The following NAALAD2 variants were observed in gnomAD, a reference collection of about 807,000 sequenced individuals.
The protein encoded by NAALAD2 is N-acetylated alpha-linked acidic dipeptidase 2, also known as N-acetylated-alpha-linked acidic dipeptidase 2.
NAALAD2 carries 89 observed loss-of-function variants against 95.6 expected under a neutral mutation model. The ratio of observed to expected loss-of-function variants is 0.93; its 90% CI spans 0.78 to 1.11. The LOEUF (loss-of-function observed/expected upper bound fraction) is 1.11, where lower values mean the gene tolerates loss of function less well. Among genes scored for constraint, NAALAD2 ranks in the 50% least tolerant of loss-of-function variants. The pLI is 0.00. For synonymous variants in NAALAD2, 264 were observed against 294.4 expected, an observed-to-expected ratio of 0.90 and a Z score of 1.06; for missense variants, 894 against 872.4, an observed-to-expected ratio of 1.02 and a Z score of -0.31.
At chr11:90,191,073 C>T (rs902327018) in intron 18 of NAALAD2, among the ~76,000 whole-genome samples, 2 of 152,076 alleles carry the variant, frequency 1.3e-5, no homozygotes, top group Non-Finnish European at 2.9e-5. Context: ...CGTCATTATC[C>T]TTGCCATTTG....
intron 8 of NAALAD2, 116 bp from the exon 9 acceptor site, chr11:90,162,833 T>C (rs1952333697): frequency 1.7e-6 from 1 of 574,472 alleles, no homozygotes; most frequent in Middle Eastern, 4.8e-4. Context: ...GAATCCATTA[T>C]GCTATTGCAC....
At chr11:90,189,686 T>C (rs975278835) in intron 18 of NAALAD2, among the ~76,000 whole-genome samples, 5 of 152,070 alleles carry the variant, frequency 3.3e-5, no homozygotes, top group African/African-American at 1.2e-4. Flanking sequence ...GGAGAATTGC[T>C]TGAGCCCAGG....
intron 11 of NAALAD2, among the ~76,000 whole-genome samples, chr11:90,166,524 G>A (rs1287479586): frequency 6.6e-6 from 1 of 152,146 alleles, no homozygotes; most frequent in Non-Finnish European, 1.5e-5. Context: ...AGTGTCAATT[G>A]CCAGTTATAT....
At chr11:90,144,241 C>T (rs1374470227) in intron 2 of NAALAD2, among the ~76,000 whole-genome samples, 1 of 152,156 alleles carries the variant, frequency 6.6e-6, no homozygotes, top group Non-Finnish European at 1.5e-5. Flanking sequence ...GATGACAGTA[C>T]ATACCTAGAA....
At chr11:90,133,467 G>A (rs886305072), upstream of NAALAD2, among the ~76,000 whole-genome samples, 3 of 151,178 alleles carry the variant, frequency 2.0e-5, no homozygotes, top group Non-Finnish European at 4.4e-5. Context: ...AAGTTTTGCT[G>A]GAAAATCAAC....
At chr11:90,182,826 T>A (rs1408369126) in intron 17 of NAALAD2, 90 bp from the exon 18 acceptor site, 12 of 877,684 alleles carry the variant, frequency 1.4e-5, no homozygotes, top group Non-Finnish European at 2.0e-5. Flanking sequence ...TTTAGAAATA[T>A]ATTTTCCCAA....
In NAALAD2 at chr11:90,152,502, C is replaced by G; in HGVS notation, c.796+18C>G. ...AGCAAAAGGTAAGGGATGAGCCTAT[C>G]AGTCCACCAATTTTGCAAAAATACT... On this transcript the variant is annotated intron_variant, in intron 6 of 18. Coordinates refer to ENST00000534061, the MANE Select transcript of NAALAD2 (RefSeq NM_005467.4). The G allele has an allele frequency of 1.3e-6, 2 of 1,577,446 alleles. No individual in the cohort carries two copies. The highest frequency in any genetic ancestry group is 1.7e-6 in the Non-Finnish European group (2 of 1,153,482).
At chr11:90,138,398 G>GT (rs754056506) in intron 2 of NAALAD2, among the ~76,000 whole-genome samples, 10 of 152,116 alleles carry the variant, frequency 6.6e-5, no homozygotes, top group Non-Finnish European at 1.0e-4. Flanking sequence ...CATCATGTAT[G>GT]TTTTTTGCTT....
chr11:90,158,056 C>A, intron 6 of NAALAD2, 89 bp from the exon 7 acceptor site: 3 of 984,590 alleles, frequency 3.0e-6, no homozygotes, highest in Non-Finnish European at 4.7e-6. Context: ...AAATGTATAG[C>A]AAATCTGCAA....
chr11:90,149,239 T>A (rs1365772052), intron 4 of NAALAD2, 132 bp downstream of exon 4: 3 of 426,340 alleles, frequency 7.0e-6, no homozygotes, highest in Non-Finnish European at 1.3e-5. Flanking sequence ...TTCAGTACTA[T>A]GAAAACCTCA....
intron 6 of NAALAD2, among the ~76,000 whole-genome samples, chr11:90,154,845 C>T (rs530033885): frequency 5.3e-4 from 75 of 141,842 alleles, no homozygotes; most frequent in African/African-American, 1.8e-3. Flanking sequence ...ATAGTATATA[C>T]GTATACATAA....
At position 90,134,747 on chromosome 11, in the gene NAALAD2, C is replaced by A. The variant is rs771541299; in HGVS notation, c.-12C>A. ...ATGTAGCAGGCGCCCCAAGCTCGGT[C>A]CTCAAGAAGCCATGGCGGAATCCAG... is the stretch of plus-strand genomic sequence containing the variant. On this transcript the variant is annotated 5_prime_UTR_variant, in exon 1 of 19. Coordinates refer to ENST00000534061, the MANE Select transcript of NAALAD2 (RefSeq NM_005467.4). The A allele has an allele frequency of 1.2e-6, 2 of 1,613,520 alleles. No individual in the cohort carries two copies. The highest frequency in any genetic ancestry group is 4.5e-5 in the East Asian group (2 of 44,864).
At chr11:90,169,193 G>A (rs1289490459) in intron 12 of NAALAD2, 1 of 456,220 alleles carries the variant, frequency 2.2e-6, no homozygotes, top group Non-Finnish European at 3.8e-6. Context: ...GGATTCATAT[G>A]AATTGATATG....
chr11:90,163,959 A>G (rs1304266665), intron 11 of NAALAD2: 3 of 410,454 alleles, frequency 7.3e-6, no homozygotes, highest in Non-Finnish European at 1.3e-5. Context: ...ACTGATACAG[A>G]TGCTTAGAGC....
At chr11:90,186,399 G>A (rs1195796019) in intron 18 of NAALAD2, among the ~76,000 whole-genome samples, 1 of 152,060 alleles carries the variant, frequency 6.6e-6, no homozygotes. Flanking sequence ...TGGTGTATAT[G>A]TGCCACATTT....
At chr11:90,171,900 G>A (rs1206141144) in intron 13 of NAALAD2, among the ~76,000 whole-genome samples, 6 of 152,124 alleles carry the variant, frequency 3.9e-5, no homozygotes, top group African/African-American at 1.2e-4. Context: ...TCATCTAGCC[G>A]AGTGTGGTGG....
intron 8 of NAALAD2, among the ~76,000 whole-genome samples, chr11:90,160,800 T>C (rs904366944): frequency 6.6e-6 from 1 of 152,200 alleles, no homozygotes; most frequent in Non-Finnish European, 1.5e-5. Flanking sequence ...AGATATAAAA[T>C]AGCTGTGCTC....
intron 18 of NAALAD2, among the ~76,000 whole-genome samples, chr11:90,183,267 A>G (rs1387153492): frequency 1.3e-5 from 2 of 152,202 alleles, no homozygotes; most frequent in Non-Finnish European, 2.9e-5. Flanking sequence ...AAACTGTAGA[A>G]TCTTAAAGGG....
At chr11:90,160,270 G>C (rs1952258035) in intron 8 of NAALAD2, among the ~76,000 whole-genome samples, 1 of 152,176 alleles carries the variant, frequency 6.6e-6, no homozygotes, top group South Asian at 2.1e-4. Flanking sequence ...AAATCAGCTT[G>C]TACAGAGTAG....
Sources: gnomAD v4.1 joint callset for allele counts (sites outside exome capture counted in the v4.1 genomes callset) on GRCh38, gnomAD v4.1.1 for gene constraint, MANE v1.5 for transcripts, NCBI Gene and HGNC (gene_info 2026-07-23, HGNC 2026-07-21) for gene names.